Variants in LRRC31 observed in about 807,000 individuals in gnomAD.
LRRC31 encodes leucine rich repeat containing 31, also known as leucine-rich repeat-containing protein 31.
LRRC31 carries 35 observed loss-of-function variants against 46.7 expected under a neutral mutation model. That is an observed-to-expected ratio of 0.75 (90% CI 0.57 to 0.99). The LOEUF is 0.99. Ranked by LOEUF, LRRC31 falls within the 50% of genes least tolerant of loss-of-function variation. The pLI, the probability that LRRC31 is intolerant of heterozygous loss-of-function variation, is 0.00. For synonymous variants in LRRC31, 236 were observed against 235.1 expected (o/e 1.00, Z -0.03); for missense variants, 613 against 626.1 (o/e 0.98, Z 0.22).
At chr3:169,869,414 T>C (rs955766082) in intron 1 of LRRC31, among the ~76,000 whole-genome samples, 2 of 151,960 alleles carry the variant, frequency 1.3e-5, no homozygotes, top group Non-Finnish European at 2.9e-5. Flanking sequence ...TATAATGGGA[T>C]TGTTTGTAAC....
chr3:169,847,838 ACGGAC>A lies in LRRC31; in HGVS notation c.1327+277_1327+281del, dbSNP rs1780649527. On this transcript the variant is annotated intron_variant, in intron 8 of 8. Transcript: ENST00000316428. ...GTAGATGACTGAAGTGGGAACACTC[ACGGAC>A]CGCGGAGGTGTGGAACAGAGCTGTT... Among the ~76,000 whole-genome samples the A allele has an allele frequency of 2.0e-5, 3 of 152,366 alleles. No individual in the cohort carries two copies. In the South Asian group the frequency reaches 6.2e-4, roughly 32 times the overall value.
At chr3:169,864,012 G>GTT (rs1781252580) in intron 1 of LRRC31, among the ~76,000 whole-genome samples, 2 of 151,180 alleles carry the variant, frequency 1.3e-5, no homozygotes, top group Non-Finnish European at 2.9e-5. Flanking sequence ...GTGTGTGTGT[G>GTT]TGTGTGTGTG....
intron 8 of LRRC31, among the ~76,000 whole-genome samples, chr3:169,847,160 G>C (rs1277351520): frequency 6.6e-6 from 1 of 152,208 alleles, no homozygotes; most frequent in East Asian, 1.9e-4. Context: ...TGGGAAAGTG[G>C]AAACATAGAA....
At chr3:169,868,049 T>A (rs1411801872) in intron 1 of LRRC31, among the ~76,000 whole-genome samples, 9 of 152,226 alleles carry the variant, frequency 5.9e-5, no homozygotes, top group Non-Finnish European at 1.3e-4. Context: ...AATTGAGCAA[T>A]ATAATAATAT....
At chr3:169,843,920 A>C (rs1780524066) in intron 8 of LRRC31, among the ~76,000 whole-genome samples, 1 of 152,230 alleles carries the variant, frequency 6.6e-6, no homozygotes, top group Admixed American at 6.5e-5. Flanking sequence ...GAATAGTCCT[A>C]GCTCTATTTT....
intron 1 of LRRC31, among the ~76,000 whole-genome samples, chr3:169,862,376 C>T (rs1175040053): frequency 6.6e-6 from 1 of 152,154 alleles, no homozygotes; most frequent in Non-Finnish European, 1.5e-5. Context: ...TCAACTCCTG[C>T]CAGAAAGTGA....
At chr3:169,844,757 C>T (rs1168099141) in intron 8 of LRRC31, among the ~76,000 whole-genome samples, 1 of 151,984 alleles carries the variant, frequency 6.6e-6, no homozygotes, top group Non-Finnish European at 1.5e-5. Flanking sequence ...CATGGTGAAA[C>T]CCCGTCTGTA....
intron 8 of LRRC31, among the ~76,000 whole-genome samples, chr3:169,845,602 G>A (rs146065357): frequency 9.2e-5 from 14 of 152,144 alleles, no homozygotes; most frequent in Non-Finnish European, 1.6e-4. Context: ...CAAATCAATG[G>A]AGAATGGATA....
chr3:169,856,801 A>G lies in LRRC31; in HGVS notation c.559T>C (p.Leu187=). 6.2e-7 allele frequency: 1 copy of G among 1,608,882 alleles called. No individual in the cohort carries two copies. Among genetic ancestry groups the G allele is most frequent in the Non-Finnish European group, 8.5e-7 (1 of 1,177,698 alleles). ...TGGAACTTCTGAAGGATCAGAGGCA[A>G]ATTTCCTCCCACTTTACTGTTCCAA... is the stretch of plus-strand genomic sequence containing the variant. ...LSWNSKVGGN[L]PLILQKFQKG... The change falls in exon 4 of 9, where the codon TTG becomes CTG. Residue 187 remains leucine, a synonymous_variant. Coordinates refer to ENST00000316428, the MANE Select transcript of LRRC31 (RefSeq NM_024727.4).
chr3:169,848,181 C>G lies in LRRC31; in HGVS notation c.1266G>C (p.Met422Ile), dbSNP rs1170220375. The change falls in exon 8 of 9, where the codon ATG (methionine) becomes ATC (isoleucine). Residue 422 changes from methionine to isoleucine, a missense_variant. Coordinates refer to ENST00000316428, the MANE Select transcript of LRRC31 (RefSeq NM_024727.4). ...KLLLETLKLS[M>I]SLQVLRLSSC... ...TGCTCAGCCTCAGCACTTGAAGAGACATGGAAAGCTTTAGTGTTTCCAGAA... is the reference window on the plus strand; with the variant it reads ...TGCTCAGCCTCAGCACTTGAAGAGAGATGGAAAGCTTTAGTGTTTCCAGAA... 1 of 1,614,124 alleles carries G rather than the reference C, an allele frequency of 6.2e-7. No individual in the cohort carries two copies. The highest frequency in any genetic ancestry group is 8.5e-7 in the Non-Finnish European group (1 of 1,180,056).
intron 1 of LRRC31, among the ~76,000 whole-genome samples, chr3:169,868,402 C>T (rs1299014178): frequency 6.6e-6 from 1 of 152,220 alleles, no homozygotes; most frequent in Non-Finnish European, 1.5e-5. Flanking sequence ...TTCTTTCCTC[C>T]ACCCCCATCT....
chr3:169,841,691 T>A (rs1377885808), intron 8 of LRRC31, among the ~76,000 whole-genome samples: 2 of 152,226 alleles, frequency 1.3e-5, no homozygotes, highest in Non-Finnish European at 2.9e-5. Context: ...ACTTCAACAT[T>A]ATCTTCATTA....
At chr3:169,850,186 T>C (rs1321985499) in intron 7 of LRRC31, among the ~76,000 whole-genome samples, 2 of 152,206 alleles carry the variant, frequency 1.3e-5, no homozygotes, top group Non-Finnish European at 2.9e-5. Flanking sequence ...TAATTATTAT[T>C]ATACATTAAT....
Position 169,840,174 on chromosome 3 carries a change from G to A in LRRC31, c.1467C>T (p.Ser489=). The change falls in exon 9 of 9, where the codon AGC becomes AGT. Residue 489 remains serine, a synonymous_variant. Coordinates refer to ENST00000316428, the MANE Select transcript of LRRC31 (RefSeq NM_024727.4). ...AATCTCGAAAATTTGATGGTCGAAGGCTAATATCCAGCTCGATTAGCTCTT... is the reference window on the plus strand; with the variant it reads ...AATCTCGAAAATTTGATGGTCGAAGACTAATATCCAGCTCGATTAGCTCTT... The part of the protein sequence containing the change: ...FLKELIELDI[S]LRPSNFRDCG... The A allele has an allele frequency of 3.1e-6, 5 of 1,614,064 alleles. No individual in the cohort carries two copies. Among genetic ancestry groups the A allele is most frequent in the Non-Finnish European group, 4.2e-6 (5 of 1,180,018 alleles).
rs1235127908 is a variant in LRRC31 at position 169,856,811 on chromosome 3, C to G, written c.549G>C (p.Val183=). The change falls in exon 4 of 9, where the codon GTG becomes GTC. Residue 183 remains valine (V), a synonymous_variant. Transcript: ENST00000316428. ...GAAGGATCAGAGGCAAATTTCCTCC[C>G]ACTTTACTGTTCCAAGACAAATTTA... ...EELNLSWNSK[V]GGNLPLILQK... 6.8e-6 allele frequency: 11 copies of G among 1,609,450 alleles called. No individual in the cohort carries two copies. Among genetic ancestry groups the G allele is most frequent in the Non-Finnish European group, 9.3e-6 (11 of 1,177,982 alleles).
chr3:169,851,584 G>T (rs1170800951), intron 7 of LRRC31, 35 bp downstream of exon 7: 1 of 1,584,850 alleles, frequency 6.3e-7, no homozygotes, highest in Non-Finnish European at 8.6e-7. Context: ...GCACATTATT[G>T]CATGGTTCCT....
intron 6 of LRRC31, chr3:169,853,286 G>A (rs1181769495): frequency 1.0e-6 from 1 of 984,728 alleles, no homozygotes; most frequent in Non-Finnish European, 1.2e-6. Flanking sequence ...ATAAAAGAAT[G>A]TTCAATTATT....
rs376378287 is a variant in LRRC31, at chr3:169,869,634, A to C, written c.174T>G (p.Thr58=). Residue 58 remains threonine, a splice_region_variant and synonymous_variant, in exon 1 of 9, where the codon ACT becomes ACG. Transcript: ENST00000316428. The stretch of plus-strand genomic sequence containing the variant: ...AAACACCAGCAGCCAGCAGCTTACC[A>C]GTCTCTGAGGTGGCTGTCTTCTGTA... ...DWIQKTATSE[T]AKPLSSEMEW... is the part of the protein sequence containing the mutation. 5.0e-6 allele frequency: 8 copies of C among 1,585,566 alleles called. No individual in the cohort carries two copies. In the African/African-American group the frequency reaches 1.1e-4, roughly 21 times the overall value.
At chr3:169,857,091 T>G (rs1780972304) in intron 3 of LRRC31, among the ~76,000 whole-genome samples, 1 of 151,800 alleles carries the variant, frequency 6.6e-6, no homozygotes, top group Admixed American at 6.6e-5. Context: ...CCCTCCAAAA[T>G]TCTGAAGCCA....
Sources: gnomAD v4.1 joint callset for allele counts (sites outside exome capture counted in the v4.1 genomes callset) on GRCh38, gnomAD v4.1.1 for gene constraint, MANE v1.5 for transcripts, NCBI Gene and HGNC (gene_info 2026-07-23, HGNC 2026-07-21) for gene names.